The following SPAG17 variants were observed in gnomAD, a reference collection of about 807,000 sequenced individuals.
SPAG17 encodes the protein sperm associated antigen 17, also known as sperm-associated antigen 17.
A neutral mutation model predicts 273.6 loss-of-function variants in SPAG17; 169 were observed. The ratio of observed to expected loss-of-function variants is 0.62; its 90% CI spans 0.55 to 0.70. SPAG17 has a LOEUF of 0.70. Ranked by LOEUF, SPAG17 falls within the 30% of genes least tolerant of loss-of-function variation. The pLI, the probability that SPAG17 is intolerant of heterozygous loss-of-function variation, is 0.00. For synonymous variants in SPAG17, 825 were observed against 873.2 expected, an observed-to-expected ratio of 0.94 and a Z score of 0.97; for missense variants, 2,557 against 2,627.8, an observed-to-expected ratio of 0.97 and a Z score of 0.59.
Position 117,971,996 on chromosome 1 carries a change from C to A in SPAG17, c.6193G>T (p.Ala2065Ser), listed in dbSNP as rs1557850614. ...KVNTSSVASA[A>S]INNAKSSLFG... Reference sequence around the variant, plus strand: ...AGGGATGACTTTGCATTATTAATGGCAGCAGATGCAACAGAGGATGTGTTC... The same window carrying A: ...AGGGATGACTTTGCATTATTAATGGAAGCAGATGCAACAGAGGATGTGTTC... Residue 2065 changes from alanine to serine, a missense_variant, in exon 45 of 49, where the codon GCC (alanine) becomes TCC (serine). By Grantham distance (99) the Ala-to-Ser change is moderately conservative. Transcript: ENST00000336338. 2.5e-6 allele frequency: 4 copies of A among 1,613,872 alleles called. No individual in the cohort carries two copies. Among genetic ancestry groups the A allele is most frequent in the Non-Finnish European group, 3.4e-6 (4 of 1,179,972 alleles).
At position 118,008,086 on chromosome 1, in the gene SPAG17, T is replaced by C. The variant is rs1272026530; in HGVS notation, c.4545A>G (p.Gly1515=). The stretch of plus-strand genomic sequence containing the variant: ...GCTTTGCAATAATAGTTGTTCCATC[T>C]CCAAAGGTGGCACAGCAGCTACTGT... The part of the protein sequence containing the change: ...CEDSSCCATF[G]DGTTIIAKPQ... Residue 1515 remains glycine, a synonymous_variant, in exon 31 of 49, where the codon GGA becomes GGG. Transcript: ENST00000336338. The C allele has an allele frequency of 2.5e-6, 4 of 1,614,078 alleles. No individual in the cohort carries two copies.
At chr1:118,019,857 G>A (rs1229576964) in intron 28 of SPAG17, among the ~76,000 whole-genome samples, 1 of 152,118 alleles carries the variant, frequency 6.6e-6, no homozygotes, top group African/African-American at 2.4e-5. Context: ...TATATACCTC[G>A]TGAAATTATC....
chr1:118,029,523 A>G (rs1317351447), intron 25 of SPAG17, among the ~76,000 whole-genome samples: 2 of 152,220 alleles, frequency 1.3e-5, no homozygotes, highest in African/African-American at 4.8e-5. Context: ...TAATGAGCAC[A>G]TACTGCTTTT....
At chr1:117,979,793 T>C (rs1655564856) in intron 43 of SPAG17, among the ~76,000 whole-genome samples, 1 of 152,210 alleles carries the variant, frequency 6.6e-6, no homozygotes, top group South Asian at 2.1e-4. Flanking sequence ...CTATTCTTAC[T>C]ACATGAACTA....
intron 30 of SPAG17, among the ~76,000 whole-genome samples, chr1:118,009,718 G>A (rs539404971): frequency 6.6e-6 from 1 of 152,100 alleles, no homozygotes; most frequent in East Asian, 1.9e-4. Flanking sequence ...GCTAACTAGA[G>A]CTGTTATCAC....
intron 3 of SPAG17, among the ~76,000 whole-genome samples, chr1:118,128,333 G>A (rs1280365498): frequency 6.6e-6 from 1 of 152,134 alleles, no homozygotes; most frequent in Non-Finnish European, 1.5e-5. Flanking sequence ...ATAAAATCGT[G>A]TCGACTGCAA....
chr1:117,965,257 C>A (rs1393837652), intron 47 of SPAG17: 1 of 152,130 alleles, frequency 6.6e-6, no homozygotes, highest in African/African-American at 2.4e-5. Flanking sequence ...CCTTGAAATT[C>A]TTCCTAAGGC....
intron 15 of SPAG17, 112 bp from the exon 16 acceptor site, chr1:118,074,712 G>T: frequency 1.0e-6 from 1 of 959,084 alleles, no homozygotes; most frequent in Non-Finnish European, 1.6e-6. Flanking sequence ...TGCTGAAAAG[G>T]CAATGCCTGA....
At chr1:118,150,040 A>G (rs376371273) in intron 3 of SPAG17, among the ~76,000 whole-genome samples, 2 of 152,178 alleles carry the variant, frequency 1.3e-5, no homozygotes, top group East Asian at 1.9e-4. Context: ...CATTATTTTC[A>G]TATCGATTAA....
At chr1:118,154,617 GA>G (rs1315520653) in intron 1 of SPAG17, among the ~76,000 whole-genome samples, 3 of 151,702 alleles carry the variant, frequency 2.0e-5, no homozygotes, top group Non-Finnish European at 2.9e-5. Flanking sequence ...TAAAAAACTT[GA>G]AAAAAATCAG....
At chr1:118,073,255 CTAGCTTCTCACT>C in intron 17 of SPAG17, among the ~76,000 whole-genome samples, 1 of 152,304 alleles carries the variant, frequency 6.6e-6, no homozygotes, top group South Asian at 2.1e-4. Context: ...GGGTTTATAT[CTAGCTTCTCACT>C]TAGCTGCCAT....
At chr1:118,168,508 T>A (rs561189687) in intron 1 of SPAG17, among the ~76,000 whole-genome samples, 1 of 152,296 alleles carries the variant, frequency 6.6e-6, no homozygotes, top group South Asian at 2.1e-4. Context: ...GCTACGGTAG[T>A]AACAAATAAT....
At chr1:118,140,599 C>T (rs990435693) in intron 3 of SPAG17, among the ~76,000 whole-genome samples, 2 of 152,154 alleles carry the variant, frequency 1.3e-5, no homozygotes, top group African/African-American at 4.8e-5. Context: ...TTCTTCACCC[C>T]TCACATCTCA....
intron 3 of SPAG17, among the ~76,000 whole-genome samples, chr1:118,140,687 T>C (rs892807121): frequency 1.2e-4 from 18 of 152,188 alleles, no homozygotes; most frequent in African/African-American, 4.3e-4. Context: ...GCCACCTGGA[T>C]ACCCCCAGTG....
intron 1 of SPAG17, among the ~76,000 whole-genome samples, chr1:118,152,601 GA>G (rs1659447766): frequency 6.6e-6 from 1 of 152,198 alleles, no homozygotes; most frequent in South Asian, 2.1e-4. Flanking sequence ...CACCAAAACA[GA>G]AAACACATGT....
chr1:118,130,507 C>G (rs1022380028), intron 3 of SPAG17, among the ~76,000 whole-genome samples: 1 of 152,116 alleles, frequency 6.6e-6, no homozygotes, highest in African/African-American at 2.4e-5. Context: ...TGGGATAGTC[C>G]CTGGCACCCA....
Position 118,056,918 on chromosome 1 carries a change from C to A in SPAG17, c.2541-1004G>T, listed in dbSNP as rs1162990562. Among the ~76,000 whole-genome samples the A allele has an allele frequency of 4.6e-5, 7 of 152,194 alleles. No individual in the cohort carries two copies. The East Asian group carries it at 1.3e-3, about 29-fold the overall frequency. On this transcript the variant is annotated intron_variant, in intron 18 of 48. Transcript: ENST00000336338. ...TTTAGTTGATGGCAAGTCTACAGTT[C>A]CAGTTAAACAGGTCAAATACCCTGA...
intron 13 of SPAG17, among the ~76,000 whole-genome samples, chr1:118,085,584 G>T (rs2102164955): frequency 6.6e-6 from 1 of 152,242 alleles, no homozygotes; most frequent in South Asian, 2.1e-4. Context: ...CTGTAAGTAG[G>T]ATGGGATTAC....
chr1:118,040,624 G>T, intron 22 of SPAG17, 106 bp downstream of exon 22: 1 of 717,360 alleles, frequency 1.4e-6, no homozygotes, highest in Non-Finnish European at 2.5e-6. Context: ...TATTGTGGGG[G>T]ACAGAATAAC....
Sources: allele counts gnomAD v4.1 joint callset (sites outside exome capture counted in the v4.1 genomes callset), GRCh38; gene constraint gnomAD v4.1.1; transcripts MANE v1.5; gene names NCBI Gene and HGNC (gene_info 2026-07-23, HGNC 2026-07-21).